EFCAB7: variants seen among roughly 807,000 people sequenced by gnomAD.
EFCAB7 encodes EF-hand calcium-binding domain-containing protein 7.
Under a neutral mutation model 77.1 loss-of-function variants are expected in EFCAB7, and 66 were observed. The observed-to-expected ratio is 0.86, with a 90% CI of 0.70 to 1.05. The LOEUF is 1.05. Among genes scored for constraint, EFCAB7 ranks in the 50% least tolerant of loss-of-function variants. EFCAB7 has a pLI of 0.00. For missense variants in EFCAB7, 638 were observed against 730.5 expected, an observed-to-expected ratio of 0.87 and a Z score of 1.46; for synonymous variants, 225 against 243.3, an observed-to-expected ratio of 0.92 and a Z score of 0.70.
At chr1:63,576,935 A>G (rs1647438916), downstream of EFCAB7, among the ~76,000 whole-genome samples, 1 of 151,862 alleles carries the variant, frequency 6.6e-6, no homozygotes, top group South Asian at 2.1e-4. Flanking sequence ...GGATCACAAA[A>G]TCAGGAGTTC....
At chr1:63,566,499 T>G (rs1436904346) in intron 11 of EFCAB7, among the ~76,000 whole-genome samples, 5 of 151,792 alleles carry the variant, frequency 3.3e-5, no homozygotes, top group Non-Finnish European at 7.4e-5. Context: ...AACTTAAAAG[T>G]GTAAAAAAAA....
intron 2 of EFCAB7, among the ~76,000 whole-genome samples, chr1:63,528,522 A>G (rs575433310): frequency 6.6e-6 from 1 of 152,170 alleles, no homozygotes; most frequent in Non-Finnish European, 1.5e-5. Flanking sequence ...ACAGGGTGAC[A>G]CTAGTAAAAA....
chr1:63,560,619 TG>T (rs1028796478), intron 10 of EFCAB7, among the ~76,000 whole-genome samples: 2 of 148,952 alleles, frequency 1.3e-5, no homozygotes, highest in African/African-American at 5.0e-5. Context: ...CAGGTTCAAG[TG>T]ATTCTCTGCC....
In EFCAB7 at chr1:63,557,175, G is replaced by T; in HGVS notation, c.1276G>T (p.Glu426Ter). The change falls in exon 10 of 14, where the codon GAA becomes TAA. Residue 426 changes from glutamate (E) to a stop codon, truncating the protein, a stop_gained. Coordinates refer to ENST00000371088, the MANE Select transcript of EFCAB7 (RefSeq NM_032437.4). LOFTEE classifies it high-confidence loss of function. ...AGATGGAAATGGTCTTCTTAGCCTT[G>T]AAGAATATAATTTTTTTGAATTGAG... ...DLDGNGLLSL[E>*]EYNFFELRTS... The T allele has an allele frequency of 6.2e-7, 1 of 1,609,774 alleles. No homozygotes were observed. The highest frequency in any genetic ancestry group is 1.1e-5 in the South Asian group (1 of 89,882).
intron 6 of EFCAB7, among the ~76,000 whole-genome samples, chr1:63,534,902 G>C (rs776856098): frequency 7.2e-5 from 11 of 152,074 alleles, no homozygotes; most frequent in Non-Finnish European, 1.2e-4. Flanking sequence ...AATTGCTAGA[G>C]AGTGACATTT....
intron 7 of EFCAB7, chr1:63,550,543 A>G (rs1646952221): frequency 6.6e-6 from 1 of 152,010 alleles, no homozygotes. Context: ...ACAGATTTTT[A>G]TATCAATTTG....
intron 11 of EFCAB7, among the ~76,000 whole-genome samples, chr1:63,567,261 T>C (rs1647181921): frequency 6.6e-6 from 1 of 152,150 alleles, no homozygotes. Context: ...AAGACCAGTG[T>C]GGTCAACATG....
chr1:63,582,144 C>G, the EFCAB7 span, among the ~76,000 whole-genome samples: 1 of 152,152 alleles, frequency 6.6e-6, no homozygotes, highest in Non-Finnish European at 1.5e-5. Context: ...AATTGCATAT[C>G]AAAGTAAAGA....
At chr1:63,582,828 C>T in the EFCAB7 span, among the ~76,000 whole-genome samples, 1 of 152,172 alleles carries the variant, frequency 6.6e-6, no homozygotes, top group Admixed American at 6.5e-5. Context: ...TGGTCTCGAA[C>T]TTCTGACCTC....
chr1:63,548,693 T>C (rs1646928440), intron 7 of EFCAB7: 1 of 152,232 alleles, frequency 6.6e-6, no homozygotes, highest in South Asian at 2.1e-4. Flanking sequence ...AAGATCTGTC[T>C]TTCCTTGGAT....
rs964029938 is a variant in EFCAB7 at position 63,537,327 on chromosome 1, A to T, written c.804+3111A>T. Among the ~76,000 whole-genome samples the T allele has an allele frequency of 2.6e-5, 4 of 152,158 alleles. No homozygotes were observed. The South Asian group carries it at 8.3e-4, about 31-fold the overall frequency. ...ACTCCAGAGATGCAATACTTCCTATATTCAGATTCTTAGAGTATGCCTACA... is the reference window on the plus strand; with the variant it reads ...ACTCCAGAGATGCAATACTTCCTATTTTCAGATTCTTAGAGTATGCCTACA... On this transcript the variant is annotated intron_variant, in intron 6 of 13. Coordinates refer to ENST00000371088, the MANE Select transcript of EFCAB7 (RefSeq NM_032437.4).
At chr1:63,572,755 T>A (rs1422126269), downstream of EFCAB7, 6 of 788,326 alleles carry the variant, frequency 7.6e-6, no homozygotes, top group African/African-American at 1.1e-4. Context: ...GCAATAAGGC[T>A]GTTTATTTCA....
At chr1:63,557,359 G>A in intron 10 of EFCAB7, 112 bp downstream of exon 10, 1 of 1,047,764 alleles carries the variant, frequency 9.5e-7, no homozygotes, top group Non-Finnish European at 1.3e-6. Context: ...ATAGCATTTA[G>A]GACAGTTTGA....
chr1:63,540,114 G>A (rs1646809941), intron 6 of EFCAB7, among the ~76,000 whole-genome samples: 2 of 152,108 alleles, frequency 1.3e-5, no homozygotes, highest in African/African-American at 4.8e-5. Context: ...TGTAATCCCA[G>A]CACTTTGGGA....
At chr1:63,571,890 T>C (rs1205716397) in intron 13 of EFCAB7, among the ~76,000 whole-genome samples, 1 of 152,126 alleles carries the variant, frequency 6.6e-6, no homozygotes, top group Non-Finnish European at 1.5e-5. Context: ...ACAATGCCTC[T>C]GAGTTTTAAA....
chr1:63,542,263 T>C (rs540476344), intron 6 of EFCAB7, among the ~76,000 whole-genome samples: 7 of 152,374 alleles, frequency 4.6e-5, no homozygotes, highest in Admixed American at 1.3e-4. Flanking sequence ...GACTCATTCA[T>C]GTATAGCATG....
At chr1:63,551,979 A>T (rs997510548) in intron 8 of EFCAB7, 145 bp downstream of exon 8, 9 of 271,034 alleles carry the variant, frequency 3.3e-5, no homozygotes, top group Middle Eastern at 1.1e-3. Context: ...TATAGATATT[A>T]TATGTTTTTA....
Position 63,546,191 on chromosome 1 carries a change from A to G in EFCAB7, c.946+134A>G, listed in dbSNP as rs551368064. The stretch of plus-strand genomic sequence containing the variant: ...AGTAAGAATTTATGGTTACATTTCA[A>G]GAAAGTGTTGGCTTATACATGAACT... On this transcript the variant is annotated intron_variant, in intron 7 of 13. Coordinates refer to ENST00000371088, the MANE Select transcript of EFCAB7 (RefSeq NM_032437.4). The G allele has an allele frequency of 3.4e-5, 33 of 977,956 alleles. No individual in the cohort carries two copies. In the African/African-American group the frequency reaches 4.8e-4, roughly 14 times the overall value. 60.6% of individuals were successfully genotyped at this position (977,956 alleles called of 1,614,324 possible).
At chr1:63,561,095 TC>T (rs1472144697) in intron 10 of EFCAB7, among the ~76,000 whole-genome samples, 1 of 152,228 alleles carries the variant, frequency 6.6e-6, no homozygotes, top group Admixed American at 6.5e-5. Context: ...TTAGTTTTGC[TC>T]ATAAATAGTG....
Sources: allele counts gnomAD v4.1 joint callset (sites outside exome capture counted in the v4.1 genomes callset), GRCh38; gene constraint gnomAD v4.1.1; transcripts MANE v1.5; gene names NCBI Gene and HGNC (gene_info 2026-07-23, HGNC 2026-07-21).